The following PDE8A variants were observed in gnomAD, a reference collection of about 807,000 sequenced individuals.
PDE8A encodes the protein phosphodiesterase 8A.
Under a neutral mutation model 105.0 loss-of-function variants are expected in PDE8A, and 59 were observed. That is an observed-to-expected ratio of 0.56 (90% confidence interval 0.46 to 0.70). PDE8A has a LOEUF of 0.70. PDE8A is among the 30% of genes least tolerant of loss of function. PDE8A has a pLI of 0.00. For synonymous variants in PDE8A, 355 were observed against 371.9 expected (o/e 0.95, Z 0.52); for missense variants, 1,014 against 1,045.9 (o/e 0.97, Z 0.42).
At chr15:85,078,547 T>TC in intron 5 of PDE8A, among the ~76,000 whole-genome samples, 1 of 8,196 alleles carries the variant, frequency 1.2e-4, no homozygotes, top group East Asian at 3.5e-3. Context: ...ATACTCCATC[T>TC]CAAAAAAAAA....
intron 7 of PDE8A, among the ~76,000 whole-genome samples, chr15:85,090,248 C>T (rs924427298): frequency 7.2e-5 from 11 of 152,298 alleles, no homozygotes; most frequent in African/African-American, 2.4e-4. Flanking sequence ...TCTGCTTTCT[C>T]ATCTGTGGAA....
chr15:85,097,813 A>C, intron 8 of PDE8A, 135 bp from the exon 9 acceptor site: 1 of 620,410 alleles, frequency 1.6e-6, no homozygotes, highest in Non-Finnish European at 2.9e-6. Flanking sequence ...CTATTACCTG[A>C]AATCAGTTTG....
intron 5 of PDE8A, among the ~76,000 whole-genome samples, chr15:85,078,145 CAAAAAAA>C (rs34715649): frequency 8.3e-6 from 1 of 120,004 alleles, no homozygotes; most frequent in Non-Finnish European, 1.8e-5. Context: ...AGTGAAACTG[CAAAAAAA>C]AAAAAAAAGA....
chr15:84,999,296 T>C (rs2080028444), intron 1 of PDE8A, among the ~76,000 whole-genome samples: 1 of 151,874 alleles, frequency 6.6e-6, no homozygotes. Flanking sequence ...AATTTTTGTA[T>C]TTTTAGTAGA....
chr15:85,057,210 G>A (rs1381986172), intron 1 of PDE8A, among the ~76,000 whole-genome samples: 1 of 152,130 alleles, frequency 6.6e-6, no homozygotes, highest in Non-Finnish European at 1.5e-5. Flanking sequence ...TGAGGTGTCA[G>A]TTGGCCCCTA....
chr15:85,137,788 T>G lies in PDE8A; in HGVS notation c.2384-9T>G. 6.5e-7 allele frequency: 1 copy of G among 1,548,094 alleles called. No homozygotes were observed. Among genetic ancestry groups the G allele is most frequent in the Non-Finnish European group, 8.9e-7 (1 of 1,119,816 alleles). ...TGAAAGCATATCACATTCCTATCTT[T>G]CTCTCCAGCCTTTGTAGACCTGCCT... On this transcript the variant is annotated splice_polypyrimidine_tract_variant and intron_variant, in intron 21 of 21. Transcript: ENST00000394553.
intron 3 of PDE8A, among the ~76,000 whole-genome samples, chr15:85,069,201 A>G (rs935045883): frequency 3.9e-5 from 6 of 152,202 alleles, no homozygotes; most frequent in Non-Finnish European, 5.9e-5. Context: ...CATGTAAATA[A>G]CAATTTTATA....
chr15:84,982,079 C>T lies in PDE8A; in HGVS notation c.-84C>T. The T allele has an allele frequency of 3.4e-6, 3 of 891,516 alleles. No individual in the cohort carries two copies. The highest frequency in any genetic ancestry group is 4.3e-6 in the Non-Finnish European group (3 of 690,404). The allele number at this position is 891,516 out of a possible 1,614,324, so 55.2% of individuals were successfully genotyped here. A position where few individuals can be genotyped will look rare whatever the true frequency, so the allele number is the denominator to read the frequency against. On this transcript the variant is annotated 5_prime_UTR_variant, in exon 1 of 22. Transcript: ENST00000394553. ...GCCCAGGCGGCGATGACACGGCGCC[C>T]GCGGCGGCCCGGAGGCGCCGGGTGG...
intron 6 of PDE8A, 133 bp downstream of exon 6, chr15:85,083,777 C>G: frequency 1.6e-6 from 1 of 626,804 alleles, no homozygotes; most frequent in Non-Finnish European, 2.9e-6. Context: ...GTGGCAACTC[C>G]CCTCGTACAG....
intron 1 of PDE8A, among the ~76,000 whole-genome samples, chr15:84,995,904 TGA>T (rs1302658712): frequency 2.0e-5 from 3 of 152,184 alleles, no homozygotes; most frequent in Non-Finnish European, 4.4e-5. Flanking sequence ...AATCTGACTG[TGA>T]GAGGTGGTAT....
intron 1 of PDE8A, among the ~76,000 whole-genome samples, chr15:85,001,098 TG>T (rs2080059750): frequency 6.6e-6 from 1 of 152,166 alleles, no homozygotes; most frequent in Non-Finnish European, 1.5e-5. Flanking sequence ...CCCAGCCTGA[TG>T]GGTTCCTGCG....
At chr15:85,046,329 G>A (rs898615532) in intron 1 of PDE8A, among the ~76,000 whole-genome samples, 3 of 152,092 alleles carry the variant, frequency 2.0e-5, no homozygotes, top group Non-Finnish European at 2.9e-5. Flanking sequence ...GATTACAGGC[G>A]TGAGGCACCA....
intron 1 of PDE8A, among the ~76,000 whole-genome samples, chr15:85,012,425 A>C (rs2080254719): frequency 6.6e-6 from 1 of 152,106 alleles, no homozygotes; most frequent in Non-Finnish European, 1.5e-5. Flanking sequence ...GGAAATCATC[A>C]TTCTCAGTAA....
At chr15:85,075,789 G>A in intron 3 of PDE8A, 73 bp from the exon 4 acceptor site, 1 of 811,958 alleles carries the variant, frequency 1.2e-6, no homozygotes, top group Non-Finnish European at 2.0e-6. Context: ...TTTAATTGTT[G>A]TAATTGTTTA....
rs8029936 is a variant in PDE8A at position 84,993,240 on chromosome 15, A to C, written c.186+10892A>C. Among the ~76,000 whole-genome samples the C allele has an allele frequency of 3.7e-4, 56 of 151,438 alleles. No individual in the cohort carries two copies. The East Asian group carries it at 6.5e-3, about 18-fold the overall frequency. On this transcript the variant is annotated intron_variant, in intron 1 of 21. Transcript: ENST00000394553. ...GGGCGGATCACAAGGTCAGGAGATCAAGACCATCCTGGCTAACACGGTGAA... is the reference window on the plus strand; with the variant it reads ...GGGCGGATCACAAGGTCAGGAGATCCAGACCATCCTGGCTAACACGGTGAA...
At chr15:85,071,350 C>T (rs2081307827) in intron 3 of PDE8A, among the ~76,000 whole-genome samples, 1 of 152,240 alleles carries the variant, frequency 6.6e-6, no homozygotes, top group Non-Finnish European at 1.5e-5. Flanking sequence ...CAGAGGCCTG[C>T]ACTCTTGCCC....
chr15:85,101,937 CATTT>C (rs1035102742), intron 11 of PDE8A, among the ~76,000 whole-genome samples: 20 of 152,126 alleles, frequency 1.3e-4, no homozygotes, highest in African/African-American at 2.7e-4. Flanking sequence ...CCCCTTTGCC[CATTT>C]ATTCTACAGA....
intron 1 of PDE8A, among the ~76,000 whole-genome samples, chr15:85,023,847 G>C (rs2080468786): frequency 6.6e-6 from 1 of 151,804 alleles, no homozygotes; most frequent in African/African-American, 2.4e-5. Flanking sequence ...AGGAGGGAGA[G>C]TTGAGCAGGA....
chr15:84,982,346 A>G lies in PDE8A; in HGVS notation c.184A>G (p.Lys62Glu). Reference sequence around the variant, plus strand: ...GGAGCTTCGCGACGGCAGCGGCAAGAAGGTAAGGGGCGCCGGGCACTCTGG... The same window carrying G: ...GGAGCTTCGCGACGGCAGCGGCAAGGAGGTAAGGGGCGCCGGGCACTCTGG... ...ESELRDGSGK[K>E]VAVADVQFGP... Residue 62 changes from lysine (K) to glutamate (E), a missense_variant and splice_region_variant, in exon 1 of 22, where the codon AAG becomes GAG. Physicochemically the swap from Lys to Glu is moderately conservative, Grantham distance 56 (BLOSUM62 1). Transcript: ENST00000394553. 7.5e-7 allele frequency: 1 copy of G among 1,327,156 alleles called. No individual in the cohort carries two copies. The highest frequency in any genetic ancestry group is 9.6e-7 in the Non-Finnish European group (1 of 1,042,032). The allele number at this position is 1,327,156 out of a possible 1,614,324, so 82.2% of individuals were successfully genotyped here.
Sources: gnomAD v4.1 joint callset for allele counts (sites outside exome capture counted in the v4.1 genomes callset) on GRCh38, gnomAD v4.1.1 for gene constraint, MANE v1.5 for transcripts, NCBI Gene and HGNC (gene_info 2026-07-23, HGNC 2026-07-21) for gene names.